CNOT10: variants seen among roughly 807,000 people sequenced by gnomAD.
The protein encoded by CNOT10 is CCR4-NOT transcription complex subunit 10.
Under a neutral mutation model 94.6 loss-of-function variants are expected in CNOT10, and 30 were observed. That is an observed-to-expected ratio of 0.32 (90% confidence interval 0.24 to 0.43). The LOEUF is 0.43. Ranked by LOEUF, CNOT10 falls within the 20% of genes least tolerant of loss-of-function variation. CNOT10 has a pLI of 1.00. For synonymous variants in CNOT10, 289 were observed against 301.6 expected, an observed-to-expected ratio of 0.96 and a Z score of 0.43; for missense variants, 759 against 877.2, an observed-to-expected ratio of 0.87 and a Z score of 1.70.
At chr3:32,719,265 CA>C (rs1176563601) in intron 7 of CNOT10, among the ~76,000 whole-genome samples, 1 of 151,540 alleles carries the variant, frequency 6.6e-6, no homozygotes, top group Non-Finnish European at 1.5e-5. Context: ...AAAACAAAAA[CA>C]AAAATTTGCC....
chr3:32,717,852 T>A (rs1004679373), intron 7 of CNOT10, among the ~76,000 whole-genome samples: 5 of 152,082 alleles, frequency 3.3e-5, no homozygotes, highest in Non-Finnish European at 5.9e-5. Context: ...GGCAACAGGG[T>A]GAGACCCTGT....
At chr3:32,704,713 T>C in intron 2 of CNOT10, 98 bp from the exon 3 acceptor site, 1 of 1,346,180 alleles carries the variant, frequency 7.4e-7, no homozygotes, top group Non-Finnish European at 1.0e-6. Context: ...TTTTAAGAAC[T>C]TTTAAGATAA....
intron 15 of CNOT10, 32 bp downstream of exon 15, chr3:32,762,895 C>T: frequency 2.0e-6 from 3 of 1,475,330 alleles, no homozygotes; most frequent in Non-Finnish European, 2.7e-6. Context: ...CAGAACTGGT[C>T]ACTGTTTCCA....
intron 1 of CNOT10, among the ~76,000 whole-genome samples, chr3:32,696,362 T>C (rs1697070321): frequency 6.6e-6 from 1 of 151,834 alleles, no homozygotes; most frequent in Non-Finnish European, 1.5e-5. Flanking sequence ...CACTGATTGC[T>C]CAGGCTGGTA....
chr3:32,738,459 A>T (rs180741602), intron 13 of CNOT10, among the ~76,000 whole-genome samples: 1 of 150,246 alleles, frequency 6.7e-6, no homozygotes, highest in East Asian at 2.0e-4. Context: ...TTCAGATTTT[A>T]TATTTCTTTT....
chr3:32,708,189 C>A (rs1210102370), intron 3 of CNOT10, among the ~76,000 whole-genome samples: 1 of 152,140 alleles, frequency 6.6e-6, no homozygotes, highest in Non-Finnish European at 1.5e-5. Flanking sequence ...TGAGCTGCCA[C>A]GCCCGGCCAG....
chr3:32,720,957 C>T (rs1456643039), intron 8 of CNOT10, among the ~76,000 whole-genome samples: 1 of 145,664 alleles, frequency 6.9e-6, no homozygotes, highest in African/African-American at 2.5e-5. Context: ...CCTTCCCTTC[C>T]CTCCCTTCCC....
chr3:32,754,489 A>AAAAAAAT (rs77878221), intron 13 of CNOT10, among the ~76,000 whole-genome samples: 7 of 70,220 alleles, frequency 1.0e-4, no homozygotes, highest in Admixed American at 2.3e-4. Context: ...AAAAAAAAAA[A>AAAAAAAT]ATACATATAT....
intron 12 of CNOT10, among the ~76,000 whole-genome samples, chr3:32,736,525 A>C (rs1027013368): frequency 6.6e-6 from 1 of 152,236 alleles, no homozygotes; most frequent in African/African-American, 2.4e-5. Context: ...CTGTAATCCC[A>C]GTGCTAAGGG....
At chr3:32,769,373 G>C in intron 17 of CNOT10, 1 of 162,830 alleles carries the variant, frequency 6.1e-6, no homozygotes, top group Admixed American at 5.8e-5. Context: ...CTCTTACTCA[G>C]ATCTAAGGGC....
At chr3:32,716,706 G>A (rs1047401620) in intron 6 of CNOT10, among the ~76,000 whole-genome samples, 1 of 152,164 alleles carries the variant, frequency 6.6e-6, no homozygotes, top group Non-Finnish European at 1.5e-5. Context: ...GCAGTGCAAT[G>A]GTGCGATCTC....
At chr3:32,744,171 G>A (rs1699597669) in intron 13 of CNOT10, among the ~76,000 whole-genome samples, 2 of 152,184 alleles carry the variant, frequency 1.3e-5, no homozygotes, top group Non-Finnish European at 2.9e-5. Context: ...TGTGGCAGGA[G>A]CCAGCTGTCT....
chr3:32,755,526 A>C (rs1313490367), intron 13 of CNOT10, among the ~76,000 whole-genome samples: 4 of 151,376 alleles, frequency 2.6e-5, no homozygotes, highest in African/African-American at 4.8e-5. Flanking sequence ...CAATTTTTCA[A>C]ATGTTTGCTG....
intron 5 of CNOT10, among the ~76,000 whole-genome samples, chr3:32,715,110 G>T (rs1476254859): frequency 6.6e-6 from 1 of 152,100 alleles, no homozygotes; most frequent in Non-Finnish European, 1.5e-5. Context: ...TATGTGCTCT[G>T]CCCGGTTCTA....
At chr3:32,764,846 C>T in intron 17 of CNOT10, 37 bp downstream of exon 17, 1 of 1,604,392 alleles carries the variant, frequency 6.2e-7, no homozygotes, top group Non-Finnish European at 8.5e-7. Context: ...CCTTGTAAAG[C>T]AGCCAACACA....
chr3:32,754,489 A>T (rs1333603981), intron 13 of CNOT10, among the ~76,000 whole-genome samples: 38,715 of 69,436 alleles, frequency 0.56, 12,959 homozygotes, highest in Non-Finnish European at 0.63. Flanking sequence ...AAAAAAAAAA[A>T]ATACATATAT....
intron 12 of CNOT10, 67 bp downstream of exon 12, chr3:32,735,043 C>CT: frequency 7.5e-7 from 1 of 1,327,792 alleles, no homozygotes; most frequent in Non-Finnish European, 1.0e-6. Flanking sequence ...ACCCTTTGTT[C>CT]TTTAAGTAAA....
chr3:32,723,170 G>C (rs1309438285), intron 8 of CNOT10, among the ~76,000 whole-genome samples: 1 of 152,024 alleles, frequency 6.6e-6, no homozygotes, highest in Non-Finnish European at 1.5e-5. Flanking sequence ...GAGGCGGGCA[G>C]ATCACAAGGC....
intron 8 of CNOT10, among the ~76,000 whole-genome samples, chr3:32,720,891 T>TTTCCTTCCTTCC (rs745348303): frequency 2.4e-3 from 254 of 107,362 alleles, no homozygotes; most frequent in African/African-American, 8.8e-3. Context: ...TTTTCCTTCT[T>TTTCCTTCCTTCC]TTCCTTCCTT....
Sources: allele counts gnomAD v4.1 joint callset (sites outside exome capture counted in the v4.1 genomes callset), GRCh38; gene constraint gnomAD v4.1.1; transcripts MANE v1.5; gene names NCBI Gene and HGNC (gene_info 2026-07-23, HGNC 2026-07-21).